Variants in ABCD2 observed in about 807,000 individuals in gnomAD.
ABCD2 encodes ATP-binding cassette sub-family D member 2.
A neutral mutation model predicts 70.9 loss-of-function variants in ABCD2; 36 were observed. That is an observed-to-expected ratio of 0.51 (90% CI 0.39 to 0.67). The LOEUF is 0.67. Ranked by LOEUF, ABCD2 falls within the 30% of genes least tolerant of loss-of-function variation. The pLI, the probability that ABCD2 is intolerant of heterozygous loss-of-function variation, is 0.00. For missense variants in ABCD2, 729 were observed against 890.2 expected (o/e 0.82, Z 2.30); for synonymous variants, 304 against 306.9 (o/e 0.99, Z 0.10).
In ABCD2 at chr12:39,579,636, A is replaced by G; in HGVS notation, c.1793-17T>C. On this transcript the variant is annotated splice_polypyrimidine_tract_variant and intron_variant, in intron 7 of 9. Transcript: ENST00000308666. The stretch of plus-strand genomic sequence containing the variant: ...CATCCCATCCTTAAGAAAATAAAAA[A>G]ATATACATTTTTATAAATCATTTGT... The G allele has an allele frequency of 6.4e-7, 1 of 1,560,740 alleles. No homozygotes were observed. Among genetic ancestry groups the G allele is most frequent in the Non-Finnish European group, 8.8e-7 (1 of 1,139,822 alleles).
chr12:39,550,434 A>T lies in ABCD2; in HGVS notation c.*3478T>A, dbSNP rs554410214. 2.0e-5 allele frequency: 3 copies of T among 151,886 alleles called. No individual in the cohort carries two copies. The highest frequency in any genetic ancestry group is 4.1e-4 in the South Asian group (2 of 4,830). 9.4% of individuals were successfully genotyped at this position (151,886 alleles called of 1,614,324 possible). A position where few individuals can be genotyped will look rare whatever the true frequency, so the allele number is the denominator to read the frequency against. On this transcript the variant is annotated 3_prime_UTR_variant, in exon 10 of 10. Coordinates refer to ENST00000308666, the MANE Select transcript of ABCD2 (RefSeq NM_005164.4). ...TAGCTACATAATGATTTTTACCTTT[A>T]AGGACATTTTTCTCATTCATTTTCA...
chr12:39,542,797 G>A, the ABCD2 span, among the ~76,000 whole-genome samples: 66 of 152,236 alleles, frequency 4.3e-4, no homozygotes, highest in South Asian at 1.5e-3. Flanking sequence ...CAGTTTTTAC[G>A]TTTGGTGGCA....
At chr12:39,576,200 G>A (rs1206013436) in intron 8 of ABCD2, among the ~76,000 whole-genome samples, 5 of 152,056 alleles carry the variant, frequency 3.3e-5, no homozygotes, top group Admixed American at 6.5e-5. Flanking sequence ...TCATACTATT[G>A]CCAGGTTGGA....
chr12:39,590,260 A>G (rs1465994833), intron 6 of ABCD2, among the ~76,000 whole-genome samples: 2 of 152,186 alleles, frequency 1.3e-5, no homozygotes, highest in Non-Finnish European at 2.9e-5. Context: ...TAATCTTCTA[A>G]ATATTTCAGG....
chr12:39,557,310 A>C (rs575880816), intron 9 of ABCD2, among the ~76,000 whole-genome samples: 1 of 152,180 alleles, frequency 6.6e-6, no homozygotes, highest in African/African-American at 2.4e-5. Flanking sequence ...TGATTTAGGC[A>C]GAAGAAATTT....
At chr12:39,601,416 A>G (rs1281761059) in intron 5 of ABCD2, among the ~76,000 whole-genome samples, 2 of 151,258 alleles carry the variant, frequency 1.3e-5, no homozygotes, top group Admixed American at 1.3e-4. Flanking sequence ...TCATAAATAA[A>G]ACAGGTTATT....
chr12:39,589,683 A>G (rs994447705), intron 6 of ABCD2, among the ~76,000 whole-genome samples: 1 of 152,148 alleles, frequency 6.6e-6, no homozygotes, highest in Non-Finnish European at 1.5e-5. Context: ...CACCGCACCC[A>G]GCCCTATCTG....
In ABCD2 at chr12:39,565,362, T is replaced by C. The variant is rs140103090; in HGVS notation, c.2003+8354A>G. ...TCCTTCACATCCCTTGTAAGTTGGA[T>C]TCCTAGGTATTTTGTTCTCTTGGAA... On this transcript the variant is annotated intron_variant, in intron 9 of 9. Transcript: ENST00000308666. Among the ~76,000 whole-genome samples, 981 of 152,338 alleles carry C rather than the reference T, an allele frequency of 6.4e-3. 7 individuals carry two copies. Among genetic ancestry groups the C allele is most frequent in the African/African-American group, 0.023 (941 of 41,562 alleles).
chr12:39,611,538 A>G (rs577530524), intron 2 of ABCD2, among the ~76,000 whole-genome samples: 94 of 152,274 alleles, frequency 6.2e-4, no homozygotes, highest in South Asian at 1.0e-3. Flanking sequence ...ATCCTCCACC[A>G]TATATAAACA....
downstream of ABCD2, among the ~76,000 whole-genome samples, chr12:39,546,806 T>C (rs956404153): frequency 5.3e-5 from 8 of 151,992 alleles, no homozygotes; most frequent in Non-Finnish European, 7.4e-5. Flanking sequence ...TAGATGAAGA[T>C]GGTAGGGTAA....
rs1055672147 is a variant in ABCD2, at chr12:39,604,037, C to T, written c.1406-31G>A. ...ATTAAGAAAAAGTGTAAGATACAAA[C>T]ATTATCACAGGTTTCTGATTAAATA... is the stretch of plus-strand genomic sequence containing the variant. On this transcript the variant is annotated intron_variant, in intron 4 of 9. Transcript: ENST00000308666. 4.9e-6 allele frequency: 7 copies of T among 1,433,826 alleles called. No individual in the cohort carries two copies. In the African/African-American group the frequency reaches 7.0e-5, roughly 14 times the overall value. 88.8% of individuals were successfully genotyped at this position (1,433,826 alleles called of 1,614,324 possible).
chr12:39,606,279 G>A (rs1256337758), intron 3 of ABCD2, among the ~76,000 whole-genome samples: 7 of 152,158 alleles, frequency 4.6e-5, no homozygotes, highest in Non-Finnish European at 7.4e-5. Context: ...ATTTGTCTTA[G>A]AACCCTAACT....
chr12:39,591,039 A>C (rs1941738748), intron 6 of ABCD2, among the ~76,000 whole-genome samples: 2 of 152,172 alleles, frequency 1.3e-5, no homozygotes, highest in African/African-American at 4.8e-5. Flanking sequence ...TATTGATAAA[A>C]ATTTTGCAGC....
At chr12:39,595,399 A>C (rs1277289758) in intron 6 of ABCD2, among the ~76,000 whole-genome samples, 1 of 152,210 alleles carries the variant, frequency 6.6e-6, no homozygotes, top group African/African-American at 2.4e-5. Context: ...CAATTTAATT[A>C]CTTAAAAATA....
Position 39,554,207 on chromosome 12 carries a change from A to T in ABCD2, c.2004-76T>A, listed in dbSNP as rs1941128374. On this transcript the variant is annotated intron_variant, in intron 9 of 9. Transcript: ENST00000308666. ...TTTTAGTTGTAGGTTTATCATTCAAATTGATACCCAAAGGCAAATTTTAAG... is the reference window on the plus strand; with the variant it reads ...TTTTAGTTGTAGGTTTATCATTCAATTTGATACCCAAAGGCAAATTTTAAG... 22 of 1,428,494 alleles carry T rather than the reference A, an allele frequency of 1.5e-5. No individual in the cohort carries two copies. The South Asian group carries it at 3.1e-4, about 20-fold the overall frequency. 88.5% of individuals were successfully genotyped at this position (1,428,494 alleles called of 1,614,324 possible).
chr12:39,563,223 G>C (rs1941287034), intron 9 of ABCD2, among the ~76,000 whole-genome samples: 1 of 152,062 alleles, frequency 6.6e-6, no homozygotes, highest in African/African-American at 2.4e-5. Context: ...AAAGGGAAAA[G>C]TTTAAAACTT....
At chr12:39,594,744 C>G (rs1208003629) in intron 6 of ABCD2, among the ~76,000 whole-genome samples, 1 of 152,070 alleles carries the variant, frequency 6.6e-6, no homozygotes, top group Non-Finnish European at 1.5e-5. Context: ...GAGGCCAAGG[C>G]GGGTGGATCA....
chr12:39,598,169 C>T (rs1252924458), intron 6 of ABCD2, among the ~76,000 whole-genome samples: 3 of 152,122 alleles, frequency 2.0e-5, no homozygotes, highest in Non-Finnish European at 4.4e-5. Context: ...CTATTTTTCT[C>T]CCATGCAAGT....
the ABCD2 span, among the ~76,000 whole-genome samples, chr12:39,540,863 G>A: frequency 6.4e-4 from 97 of 152,320 alleles, no homozygotes; most frequent in African/African-American, 2.3e-3. Context: ...CTTGATTGAT[G>A]GCTCATGCTT....
Sources: allele counts gnomAD v4.1 joint callset (sites outside exome capture counted in the v4.1 genomes callset), GRCh38; gene constraint gnomAD v4.1.1; transcripts MANE v1.5; gene names NCBI Gene and HGNC (gene_info 2026-07-23, HGNC 2026-07-21).